PDZD8: variants seen among roughly 807,000 people sequenced by gnomAD.
The protein encoded by PDZD8 is PDZ domain containing 8.
Under a neutral mutation model 85.8 loss-of-function variants are expected in PDZD8, and 14 were observed. The ratio of observed to expected loss-of-function variants is 0.16; its 90% CI spans 0.11 to 0.26. PDZD8 has a LOEUF of 0.26. PDZD8 is among the 10% of genes least tolerant of loss of function. The pLI is 1.00. For missense variants in PDZD8, 1,197 were observed against 1,424.3 expected (o/e 0.84, Z 2.57); for synonymous variants, 592 against 568.6 (o/e 1.04, Z -0.59).
chr10:117,323,682 T>C (rs1414631403), intron 2 of PDZD8, among the ~76,000 whole-genome samples: 1 of 152,142 alleles, frequency 6.6e-6, no homozygotes, highest in Non-Finnish European at 1.5e-5. Context: ...CAGAACAGTA[T>C]TCTCCTGAGA....
intron 3 of PDZD8, among the ~76,000 whole-genome samples, chr10:117,290,929 G>A (rs1426383853): frequency 1.4e-5 from 2 of 148,008 alleles, no homozygotes; most frequent in African/African-American, 5.0e-5. Flanking sequence ...GAATGCAGTG[G>A]CACAATCCTG....
intron 3 of PDZD8, among the ~76,000 whole-genome samples, chr10:117,291,236 T>TA (rs71778144): frequency 0.067 from 10,199 of 151,996 alleles, 424 homozygotes; most frequent in African/African-American, 0.11. Flanking sequence ...ATTTATACTT[T>TA]ATTAAGAGTT....
In PDZD8 at chr10:117,330,726, C is replaced by T. The variant is rs181342322; in HGVS notation, c.995+10254G>A. On this transcript the variant is annotated intron_variant, in intron 2 of 4. Transcript: ENST00000334464. ...TCTGGGACTTCAATCTCTATATATA[C>T]AATTTACTCCATAAATATGCACATT... Among the ~76,000 whole-genome samples the T allele has an allele frequency of 1.9e-3, 283 of 152,290 alleles. 4 individuals are homozygous for T. Among genetic ancestry groups the T allele is most frequent in the Non-Finnish European group, 2.6e-4 (18 of 68,030 alleles).
chr10:117,309,124 T>C (rs1843992042), intron 3 of PDZD8, among the ~76,000 whole-genome samples: 1 of 152,124 alleles, frequency 6.6e-6, no homozygotes, highest in Admixed American at 6.6e-5. Context: ...CTAGTGAGAA[T>C]ATATGGACTG....
chr10:117,350,608 A>G (rs1229947313), intron 1 of PDZD8, among the ~76,000 whole-genome samples: 1 of 151,324 alleles, frequency 6.6e-6, no homozygotes, highest in African/African-American at 2.4e-5. Flanking sequence ...AGTTGTTAAA[A>G]ATAGAAATAC....
At chr10:117,348,576 G>A (rs1589583952) in intron 1 of PDZD8, among the ~76,000 whole-genome samples, 1 of 152,282 alleles carries the variant, frequency 6.6e-6, no homozygotes, top group East Asian at 1.9e-4. Flanking sequence ...TTGGCTTGGC[G>A]ATGGCTGCCT....
chr10:117,310,520 C>T lies in PDZD8; in HGVS notation c.1098+8352G>A, dbSNP rs1425527389. Among the ~76,000 whole-genome samples, 9 of 152,114 alleles carry T rather than the reference C, an allele frequency of 5.9e-5. No homozygotes were observed. In the East Asian group the frequency reaches 1.7e-3, roughly 29 times the overall value. Reference sequence around the variant, plus strand: ...CCCAGCATCTTAGAATCATAGTAAACATACTTAGAAAACCTAAGACAGAGA... The same window carrying T: ...CCCAGCATCTTAGAATCATAGTAAATATACTTAGAAAACCTAAGACAGAGA... On this transcript the variant is annotated intron_variant, in intron 3 of 4. Coordinates refer to ENST00000334464, the MANE Select transcript of PDZD8 (RefSeq NM_173791.5).
intron 1 of PDZD8, among the ~76,000 whole-genome samples, chr10:117,341,884 G>A (rs1844619459): frequency 6.6e-6 from 1 of 152,176 alleles, no homozygotes; most frequent in South Asian, 2.1e-4. Flanking sequence ...AATTAACACA[G>A]CAGAGATATT....
intron 3 of PDZD8, chr10:117,314,089 A>C (rs1190862377): frequency 6.6e-6 from 1 of 152,192 alleles, no homozygotes; most frequent in African/African-American, 2.4e-5. Context: ...GGCTCTTTGT[A>C]TATGGGAAGA....
chr10:117,304,840 T>C (rs898333640), intron 3 of PDZD8, among the ~76,000 whole-genome samples: 4 of 152,156 alleles, frequency 2.6e-5, no homozygotes, highest in Admixed American at 6.5e-5. Context: ...GAATTGCAAG[T>C]CCAAATAAGC....
rs375541893 is a variant in PDZD8, at chr10:117,284,416, T to C, written c.2317A>G (p.Asn773Asp). The change falls in exon 5 of 5, where the codon AAT (asparagine) becomes GAT (aspartate). Residue 773 changes from asparagine to aspartate, a missense_variant. Physicochemically the swap from Asn to Asp is conservative, Grantham distance 23. Coordinates refer to ENST00000334464, the MANE Select transcript of PDZD8 (RefSeq NM_173791.5). ...KAIVTRTALR[N>D]LSMQKGFNDK... Reference sequence around the variant, plus strand: ...TTGAATCCCTTTTGCATACTCAGATTGCGTAGTGCGGTTCTAGTGACTATA... The same window carrying C: ...TTGAATCCCTTTTGCATACTCAGATCGCGTAGTGCGGTTCTAGTGACTATA... 5 of 1,614,070 alleles carry C rather than the reference T, an allele frequency of 3.1e-6. No homozygotes were observed. The highest frequency in any genetic ancestry group is 4.2e-6 in the Non-Finnish European group (5 of 1,180,030).
At chr10:117,350,670 G>A (rs1297072380) in intron 1 of PDZD8, among the ~76,000 whole-genome samples, 2 of 151,524 alleles carry the variant, frequency 1.3e-5, no homozygotes, top group African/African-American at 2.4e-5. Flanking sequence ...TTGGGAGGCC[G>A]AGGCAGGCGG....
Position 117,374,342 on chromosome 10 carries a change from G to A in PDZD8, c.872+14C>T, listed in dbSNP as rs370332020. ...TTCCCGGCAGCCAGGCCCCCTCCCC[G>A]ACCTCCAGCTCACCTGATCTTGTAA... is the stretch of plus-strand genomic sequence containing the variant. On this transcript the variant is annotated intron_variant, in intron 1 of 4. Coordinates refer to ENST00000334464, the MANE Select transcript of PDZD8 (RefSeq NM_173791.5). This position sits in a 1 kb window ranked among gnomAD's most constrained non-coding sequence, Gnocchi z 7.8. The A allele has an allele frequency of 1.2e-6, 2 of 1,608,562 alleles. No individual in the cohort carries two copies. The highest frequency in any genetic ancestry group is 2.2e-5 in the South Asian group (2 of 90,764).
rs554738882 is a variant in PDZD8 at position 117,358,470 on chromosome 10, C to T, written c.872+15886G>A. On this transcript the variant is annotated intron_variant, in intron 1 of 4. Coordinates refer to ENST00000334464, the MANE Select transcript of PDZD8 (RefSeq NM_173791.5). Reference sequence around the variant, plus strand: ...TTTCTTTCCCCCTCATCTCCCCTCTCTTCTTTCACGGACTATAAAATAGTC... The same window carrying T: ...TTTCTTTCCCCCTCATCTCCCCTCTTTTCTTTCACGGACTATAAAATAGTC... Among the ~76,000 whole-genome samples the T allele has an allele frequency of 7.9e-5, 12 of 152,104 alleles. 1 individual carries two copies. The South Asian group carries it at 2.1e-3, about 26-fold the overall frequency.
At chr10:117,351,648 G>A (rs1288054238) in intron 1 of PDZD8, among the ~76,000 whole-genome samples, 3 of 152,062 alleles carry the variant, frequency 2.0e-5, no homozygotes, top group African/African-American at 7.2e-5. Context: ...CACTTTTCAG[G>A]TGGTGAGTTA....
intron 3 of PDZD8, among the ~76,000 whole-genome samples, chr10:117,315,467 C>T (rs941427123): frequency 2.6e-5 from 4 of 151,316 alleles, no homozygotes; most frequent in African/African-American, 7.3e-5. Flanking sequence ...CAGTGGTGCA[C>T]GCCTGTAGTC....
intron 1 of PDZD8, among the ~76,000 whole-genome samples, chr10:117,356,661 G>A (rs1242938734): frequency 6.6e-6 from 1 of 152,164 alleles, no homozygotes; most frequent in Non-Finnish European, 1.5e-5. Flanking sequence ...TGTGATAAGA[G>A]AATAATATGT....
chr10:117,351,935 T>C (rs1844811977), intron 1 of PDZD8, among the ~76,000 whole-genome samples: 1 of 152,202 alleles, frequency 6.6e-6, no homozygotes, highest in East Asian at 1.9e-4. Flanking sequence ...TGCTTCGGCC[T>C]CCCAAAGTGT....
chr10:117,348,753 G>C (rs1177216354), intron 1 of PDZD8, among the ~76,000 whole-genome samples: 1 of 152,106 alleles, frequency 6.6e-6, no homozygotes, highest in Non-Finnish European at 1.5e-5. Flanking sequence ...GTTACACCGA[G>C]GGTTGCAGCT....
Sources: gnomAD v4.1 joint callset for allele counts (sites outside exome capture counted in the v4.1 genomes callset) on GRCh38, gnomAD v4.1.1 for gene constraint, Gnocchi (gnomAD v3.1) non-coding constraint, MANE v1.5 for transcripts, NCBI Gene and HGNC (gene_info 2026-07-23, HGNC 2026-07-21) for gene names.